ASTN2: variants seen among roughly 807,000 people sequenced by gnomAD.
ASTN2 encodes the protein astrotactin 2.
A neutral mutation model predicts 139.8 loss-of-function variants in ASTN2; 54 were observed. The ratio of observed to expected loss-of-function variants is 0.39; its 90% confidence interval spans 0.31 to 0.48. ASTN2 has a LOEUF of 0.48. Ranked by LOEUF, ASTN2 falls within the 20% of genes least tolerant of loss-of-function variation. The probability of loss-of-function intolerance (pLI) is 0.95; values close to 1 mark genes in which losing one functional copy is unlikely to be tolerated. For synonymous variants in ASTN2, 756 were observed against 719.5 expected (o/e 1.05, Z -0.81); for missense variants, 1,565 against 1,725.1 (o/e 0.91, Z 1.64).
intron 1 of ASTN2, among the ~76,000 whole-genome samples, chr9:117,398,692 G>A (rs1402066004): frequency 1.3e-5 from 2 of 152,188 alleles, no homozygotes; most frequent in Admixed American, 1.3e-4. Context: ...GGCCACCTTT[G>A]AGGAATGTGT....
At position 116,650,551 on chromosome 9, in the gene ASTN2, C is replaced by T. The variant is rs185866538; in HGVS notation, c.3072+977G>A. Among the ~76,000 whole-genome samples, 7 of 152,034 alleles carry T rather than the reference C, an allele frequency of 4.6e-5. No homozygotes were observed. The East Asian group carries it at 1.2e-3, about 25-fold the overall frequency. On this transcript the variant is annotated intron_variant, in intron 17 of 22. Coordinates refer to ENST00000313400, the MANE Select transcript of ASTN2 (RefSeq NM_001365068.1). ...TTGCCATTTTATAAGTAAAAAATGG[C>T]CAAATGTCAGCAATTTCATATGAAT...
intron 3 of ASTN2, among the ~76,000 whole-genome samples, chr9:117,156,620 A>C (rs375511151): frequency 6.6e-6 from 1 of 152,148 alleles, no homozygotes. Context: ...ACATCTAGAG[A>C]TTCCTAACTA....
intron 10 of ASTN2, among the ~76,000 whole-genome samples, chr9:116,951,221 C>T (rs1374499149): frequency 6.6e-6 from 1 of 151,516 alleles, no homozygotes; most frequent in East Asian, 1.9e-4. Context: ...CCTGTAATCC[C>T]AGCTACTTGG....
At chr9:117,381,979 G>A (rs144001926) in intron 1 of ASTN2, among the ~76,000 whole-genome samples, 1,987 of 152,280 alleles carry the variant, frequency 0.013, 10 homozygotes, top group Non-Finnish European at 0.017. Context: ...CAAGGTCAAT[G>A]TGGCTGGAGT....
rs531956117 is a variant in ASTN2 at position 117,169,858 on chromosome 9, C to T, written c.1016-28380G>A. On this transcript the variant is annotated intron_variant, in intron 3 of 22. Coordinates refer to ENST00000313400, the MANE Select transcript of ASTN2 (RefSeq NM_001365068.1). Reference sequence around the variant, plus strand: ...AAAGCAAGGAGGAGATATGTAAACACCAAACTCTAAGAGAAAGTGCCTCTG... The same window carrying T: ...AAAGCAAGGAGGAGATATGTAAACATCAAACTCTAAGAGAAAGTGCCTCTG... 9.9e-5 allele frequency among the ~76,000 whole-genome samples: 15 copies of T among 152,172 alleles called. No homozygotes were observed. The East Asian group carries it at 1.7e-3, about 18-fold the overall frequency.
intron 20 of ASTN2, among the ~76,000 whole-genome samples, chr9:116,452,098 G>C (rs764993836): frequency 1.3e-5 from 2 of 152,090 alleles, no homozygotes; most frequent in Non-Finnish European, 2.9e-5. Flanking sequence ...TGCTGTTTTA[G>C]GGTAAAGCAG....
intron 20 of ASTN2, among the ~76,000 whole-genome samples, chr9:116,482,123 G>A (rs1554769148): frequency 2.0e-5 from 3 of 152,120 alleles, no homozygotes; most frequent in Non-Finnish European, 4.4e-5. Flanking sequence ...TCAAGAGATC[G>A]AGACCATCCT....
At chr9:116,726,871 T>G (rs567949456) in intron 15 of ASTN2, among the ~76,000 whole-genome samples, 1 of 152,264 alleles carries the variant, frequency 6.6e-6, no homozygotes, top group African/African-American at 2.4e-5. Flanking sequence ...GTGACCTTCT[T>G]TAGAAATTCA....
chr9:116,892,279 G>A (rs978825752), intron 10 of ASTN2, among the ~76,000 whole-genome samples: 2 of 152,032 alleles, frequency 1.3e-5, no homozygotes, highest in African/African-American at 2.4e-5. Flanking sequence ...TCAGTCTAAC[G>A]TCTCTTTCTC....
intron 19 of ASTN2, among the ~76,000 whole-genome samples, chr9:116,529,571 A>C (rs1851233539): frequency 6.6e-6 from 1 of 152,148 alleles, no homozygotes; most frequent in Admixed American, 6.5e-5. Flanking sequence ...TGAGAAGGAC[A>C]TGAGATTTGG....
chr9:117,170,399 C>G (rs1048334557), intron 3 of ASTN2, among the ~76,000 whole-genome samples: 1 of 152,128 alleles, frequency 6.6e-6, no homozygotes, highest in Non-Finnish European at 1.5e-5. Flanking sequence ...TGATTGAGCA[C>G]CTGCTAGGTG....
At chr9:116,858,443 G>A (rs1173208179) in intron 11 of ASTN2, among the ~76,000 whole-genome samples, 1 of 152,146 alleles carries the variant, frequency 6.6e-6, no homozygotes, top group African/African-American at 2.4e-5. Context: ...AGTGCGTCAG[G>A]GGGCAGCAGT....
intron 13 of ASTN2, among the ~76,000 whole-genome samples, chr9:116,757,073 C>G (rs1455095937): frequency 1.3e-5 from 2 of 152,206 alleles, no homozygotes; most frequent in Non-Finnish European, 2.9e-5. Context: ...AGTCCCCTCT[C>G]CTTCCCTTTT....
intron 13 of ASTN2, among the ~76,000 whole-genome samples, chr9:116,778,081 G>A (rs1049775425): frequency 3.3e-5 from 5 of 151,982 alleles, no homozygotes; most frequent in Non-Finnish European, 5.9e-5. Context: ...TTCTGACCTC[G>A]TGATCTACCC....
At chr9:116,632,162 G>GAGAGAC (rs1856788951) in intron 17 of ASTN2, among the ~76,000 whole-genome samples, 7 of 35,572 alleles carry the variant, frequency 2.0e-4, no homozygotes, top group African/African-American at 3.7e-4. Context: ...GAGAGACAGA[G>GAGAGAC]AGAGAGAGAG....
chr9:116,541,033 A>G (rs1241053821), intron 19 of ASTN2, among the ~76,000 whole-genome samples: 1 of 152,026 alleles, frequency 6.6e-6, no homozygotes, highest in African/African-American at 2.4e-5. Flanking sequence ...AAAAATATAC[A>G]TGACATTCTC....
chr9:117,171,554 T>C (rs1009527335), intron 3 of ASTN2, among the ~76,000 whole-genome samples: 1 of 152,152 alleles, frequency 6.6e-6, no homozygotes, highest in Admixed American at 6.6e-5. Flanking sequence ...AATCCCCATG[T>C]GTCAATGGAG....
chr9:117,041,283 A>C (rs571542248), intron 5 of ASTN2, among the ~76,000 whole-genome samples: 2 of 151,920 alleles, frequency 1.3e-5, no homozygotes, highest in Non-Finnish European at 2.9e-5. Context: ...CTCTTCTTTT[A>C]AGCAAACCTT....
chr9:117,073,596 G>T (rs866613746), intron 5 of ASTN2, among the ~76,000 whole-genome samples: 1 of 152,148 alleles, frequency 6.6e-6, no homozygotes, highest in South Asian at 2.1e-4. Context: ...GATTCATCTT[G>T]TATCTCCAGC....
Sources: allele counts gnomAD v4.1 joint callset (sites outside exome capture counted in the v4.1 genomes callset), GRCh38; gene constraint gnomAD v4.1.1; transcripts MANE v1.5; gene names NCBI Gene and HGNC (gene_info 2026-07-23, HGNC 2026-07-21).